CFAP58: variants seen among roughly 807,000 people sequenced by gnomAD.
The protein encoded by CFAP58 is cilia- and flagella-associated protein 58.
Under a neutral mutation model 119.5 loss-of-function variants are expected in CFAP58, and 88 were observed. The observed-to-expected ratio is 0.74, with a 90% CI of 0.62 to 0.88. The LOEUF (loss-of-function observed/expected upper bound fraction) is 0.88. Among genes scored for constraint, CFAP58 ranks in the 40% least tolerant of loss-of-function variants. CFAP58 has a pLI of 0.00. For missense variants in CFAP58, 990 were observed against 1,021.2 expected (o/e 0.97, Z 0.42); for synonymous variants, 365 against 366.3 (o/e 1.00, Z 0.04).
At chr10:104,357,799 A>ACACATATATATG (rs1564875275) in intron 1 of CFAP58, among the ~76,000 whole-genome samples, 61 of 145,794 alleles carry the variant, frequency 4.2e-4, no homozygotes, top group African/African-American at 1.7e-3. Context: ...ATACATATAT[A>ACACATATATATG]TACACACATA....
intron 15 of CFAP58, among the ~76,000 whole-genome samples, chr10:104,426,231 C>T (rs2012742579): frequency 6.6e-6 from 1 of 151,922 alleles, no homozygotes; most frequent in Non-Finnish European, 1.5e-5. Context: ...AGAGTGAGAC[C>T]CATCTGAAAA....
intron 15 of CFAP58, among the ~76,000 whole-genome samples, chr10:104,413,850 T>C (rs946528105): frequency 1.3e-5 from 2 of 152,136 alleles, no homozygotes; most frequent in African/African-American, 2.4e-5. Flanking sequence ...CATGATAGCA[T>C]TGGAGTAGGA....
intron 11 of CFAP58, among the ~76,000 whole-genome samples, chr10:104,396,762 T>C (rs2012170245): frequency 6.6e-6 from 1 of 152,238 alleles, no homozygotes; most frequent in South Asian, 2.1e-4. Context: ...TGCAGAAACC[T>C]CAGGTCCCAC....
At chr10:104,438,359 T>G (rs1481355655) in intron 15 of CFAP58, among the ~76,000 whole-genome samples, 11 of 82,088 alleles carry the variant, frequency 1.3e-4, no homozygotes, top group African/African-American at 4.5e-4. Context: ...TTTTTTTTTT[T>G]TGTTTTTTTT....
intron 8 of CFAP58, 102 bp from the exon 9 acceptor site, chr10:104,379,927 G>T: frequency 2.0e-6 from 2 of 985,302 alleles, no homozygotes; most frequent in Non-Finnish European, 1.5e-6. Flanking sequence ...TCATCCAAAA[G>T]ACAAGATATC....
intron 15 of CFAP58, among the ~76,000 whole-genome samples, chr10:104,445,990 A>G (rs2013108070): frequency 1.3e-5 from 2 of 152,176 alleles, no homozygotes; most frequent in Admixed American, 1.3e-4. Context: ...TTTCCTTTGC[A>G]AGTCTATCTG....
At chr10:104,454,123 T>TA (rs1296554578) in intron 17 of CFAP58, among the ~76,000 whole-genome samples, 2 of 152,178 alleles carry the variant, frequency 1.3e-5, no homozygotes, top group East Asian at 3.8e-4. Context: ...AAATGTTTTA[T>TA]AAAACAGGAA....
At chr10:104,347,204 T>C in the CFAP58 span, among the ~76,000 whole-genome samples, 2 of 152,100 alleles carry the variant, frequency 1.3e-5, no homozygotes, top group East Asian at 1.9e-4. Context: ...CCGCTGTGGC[T>C]GCTCCCTCAG....
chr10:104,341,513 A>G, the CFAP58 span, among the ~76,000 whole-genome samples: 203 of 151,856 alleles, frequency 1.3e-3, no homozygotes, highest in African/African-American at 4.5e-3. Context: ...TATAATATGT[A>G]GAAATAAAAA....
At position 104,454,439 on chromosome 10, in the gene CFAP58, C is replaced by T; in HGVS notation, c.2528C>T (p.Pro843Leu). ...TCTTACAGAAACAAGGACACAGCACCCATGGATAACACCTTCTTAATGGTC... is the reference window on the plus strand; with the variant it reads ...TCTTACAGAAACAAGGACACAGCACTCATGGATAACACCTTCTTAATGGTC... ...EQLQKNKDTAPMDNTFLMVKP... is the reference protein window; with the variant it reads ...EQLQKNKDTALMDNTFLMVKP... The change falls in exon 18 of 18, where the codon CCC becomes CTC. Residue 843 changes from proline (P) to leucine (L), a missense_variant. Physicochemically the swap from Pro to Leu is moderately conservative, Grantham distance 98. Coordinates refer to ENST00000369704, the MANE Select transcript of CFAP58 (RefSeq NM_001008723.2). The T allele has an allele frequency of 6.2e-7, 1 of 1,613,638 alleles. No individual in the cohort carries two copies. The highest frequency in any genetic ancestry group is 8.5e-7 in the Non-Finnish European group (1 of 1,179,646).
chr10:104,408,344 C>A (rs1241967534), intron 15 of CFAP58, among the ~76,000 whole-genome samples: 1 of 152,138 alleles, frequency 6.6e-6, no homozygotes, highest in Non-Finnish European at 1.5e-5. Flanking sequence ...GATAATAATA[C>A]GTGTTTTTTA....
At chr10:104,350,310 T>G (rs1469604530), upstream of CFAP58, among the ~76,000 whole-genome samples, 6 of 152,208 alleles carry the variant, frequency 3.9e-5, no homozygotes, top group Admixed American at 6.5e-5. Context: ...TTGTTGGGTG[T>G]GTTTCTCCTA....
chr10:104,384,481 T>C (rs1268188207), intron 9 of CFAP58, among the ~76,000 whole-genome samples: 1 of 152,176 alleles, frequency 6.6e-6, no homozygotes, highest in Non-Finnish European at 1.5e-5. Context: ...ATGGAGCCTA[T>C]GGGAAAACAT....
intron 1 of CFAP58, among the ~76,000 whole-genome samples, chr10:104,358,032 T>C (rs75432463): frequency 0.015 from 2,257 of 147,700 alleles, 108 homozygotes; most frequent in African/African-American, 0.053. Flanking sequence ...TATATATACA[T>C]ATGTACATAT....
chr10:104,371,243 C>A (rs545992207), intron 7 of CFAP58, among the ~76,000 whole-genome samples, 189 bp downstream of exon 7: 74 of 152,224 alleles, frequency 4.9e-4, no homozygotes, highest in Non-Finnish European at 9.1e-4. Flanking sequence ...TAAACTCTTA[C>A]CTTAAACAAT....
chr10:104,401,118 T>C (rs1205361822), intron 13 of CFAP58, among the ~76,000 whole-genome samples: 1 of 152,150 alleles, frequency 6.6e-6, no homozygotes, highest in Non-Finnish European at 1.5e-5. Flanking sequence ...CAGCTTCCTT[T>C]CGGGGGGGTA....
chr10:104,372,995 C>G (rs2014844158), intron 7 of CFAP58, among the ~76,000 whole-genome samples: 1 of 152,062 alleles, frequency 6.6e-6, no homozygotes, highest in African/African-American at 2.4e-5. Flanking sequence ...AACTGAAAAA[C>G]TACCAGAACT....
intron 15 of CFAP58, among the ~76,000 whole-genome samples, chr10:104,413,706 ACAT>A (rs199893413): frequency 0.17 from 24,577 of 143,738 alleles, 2,193 homozygotes; most frequent in Middle Eastern, 0.33. Context: ...GGGTATCATT[ACAT>A]CATCATCATC....
At chr10:104,404,981 C>A (rs1266648193) in intron 14 of CFAP58, among the ~76,000 whole-genome samples, 1 of 152,046 alleles carries the variant, frequency 6.6e-6, no homozygotes, top group Non-Finnish European at 1.5e-5. Flanking sequence ...GAGGAAAAAA[C>A]AAAAATTCCT....
Sources: allele counts gnomAD v4.1 joint callset (sites outside exome capture counted in the v4.1 genomes callset), GRCh38; gene constraint gnomAD v4.1.1; transcripts MANE v1.5; gene names NCBI Gene and HGNC (gene_info 2026-07-23, HGNC 2026-07-21).